The following HS6ST2 variants were observed in gnomAD, a reference collection of about 807,000 sequenced individuals.
HS6ST2 encodes the protein heparan sulfate 6-O-sulfotransferase 2.
In HS6ST2, 17 loss-of-function variants were observed where a neutral mutation model predicts 33.0. The observed-to-expected ratio is 0.52, with a 90% CI of 0.35 to 0.77. The LOEUF is 0.77. Among genes scored for constraint, HS6ST2 ranks in the 30% least tolerant of loss-of-function variants. The probability of loss-of-function intolerance (pLI) is 0.01; values close to 1 mark genes in which losing one functional copy is unlikely to be tolerated. For missense variants in HS6ST2, 519 were observed against 551.7 expected (o/e 0.94, Z 0.59); for synonymous variants, 248 against 237.1 (o/e 1.05, Z -0.42).
At chrX:132,891,275 A>C (rs187943334) in intron 2 of HS6ST2, among the ~76,000 whole-genome samples, 1 of 107,310 alleles carries the variant, frequency 9.3e-6, no homozygotes, top group African/African-American at 3.4e-5. Context: ...AACTGTCATC[A>C]TCTGGATGAT....
chrX:132,924,998 T>A (rs2066696366), intron 2 of HS6ST2, among the ~76,000 whole-genome samples: 1 of 111,171 alleles, frequency 9.0e-6, no homozygotes, highest in African/African-American at 3.3e-5. Context: ...GGACGATTAC[T>A]TGAACCCAGG....
Position 132,868,073 on chromosome X carries a change from TA to T in HS6ST2, c.947+88734del, listed in dbSNP as rs762213280. Among the ~76,000 whole-genome samples the T allele has an allele frequency of 5.4e-5, 6 of 111,329 alleles. No individual in the cohort carries two copies. In the East Asian group the frequency reaches 1.4e-3, roughly 26 times the overall value. On this transcript the variant is annotated intron_variant, in intron 2 of 4. Coordinates refer to ENST00000370833, the MANE Select transcript of HS6ST2 (RefSeq NM_001394073.1). ...TGCAAAGACACAAATAGGCTCAAAA[TA>T]AAGGGATGGAGAAAGGTTTACCAAG...
intron 3 of HS6ST2, among the ~76,000 whole-genome samples, chrX:132,670,866 A>G (rs750013085): frequency 1.8e-5 from 2 of 112,407 alleles, no homozygotes; most frequent in Non-Finnish European, 3.8e-5. Context: ...AGCTCTTAGA[A>G]GTGGGAGATA....
In HS6ST2 at chrX:132,939,482, G is replaced by A. The variant is rs1282207024; in HGVS notation, c.947+17326C>T. On this transcript the variant is annotated intron_variant, in intron 2 of 4. Coordinates refer to ENST00000370833, the MANE Select transcript of HS6ST2 (RefSeq NM_001394073.1). ...TCTACTAAAAATACAAAAATTAGCC[G>A]GGCATGGTGGCGTGCACCTGTAATC... is the stretch of plus-strand genomic sequence containing the variant. Among the ~76,000 whole-genome samples the A allele has an allele frequency of 7.3e-5, 8 of 110,119 alleles. No individual in the cohort carries two copies. The South Asian group carries it at 1.6e-3, about 22-fold the overall frequency.
At chrX:132,739,870 G>A (rs140204852) in intron 2 of HS6ST2, among the ~76,000 whole-genome samples, 1,383 of 111,722 alleles carry the variant, frequency 0.012, 25 homozygotes, top group African/African-American at 0.043. Context: ...AAATTGCTAT[G>A]TAATATTCTA....
At chrX:132,692,922 GTGTGGTTCTCGGCAAATGT>G (rs757274450) in intron 3 of HS6ST2, among the ~76,000 whole-genome samples, 220 of 111,923 alleles carry the variant, frequency 2.0e-3, no homozygotes, top group African/African-American at 6.3e-3. Context: ...CACCCAGGCT[GTGTGGTTCTCGGCAAATGT>G]TTGTTGAATG....
chrX:132,661,331 C>T (rs2063771041), intron 4 of HS6ST2, among the ~76,000 whole-genome samples: 1 of 107,911 alleles, frequency 9.3e-6, no homozygotes, highest in Admixed American at 9.8e-5. Context: ...AAAAAAAAAG[C>T]TCCTAAAACT....
chrX:132,655,611 G>T (rs759231888), intron 4 of HS6ST2, among the ~76,000 whole-genome samples: 1 of 110,760 alleles, frequency 9.0e-6, no homozygotes, highest in Non-Finnish European at 1.9e-5. Context: ...AAGGACACAG[G>T]TTATTCAAGA....
intron 2 of HS6ST2, among the ~76,000 whole-genome samples, chrX:132,781,673 G>A (rs1456026697): frequency 3.6e-5 from 4 of 111,657 alleles, no homozygotes; most frequent in South Asian, 3.8e-4. Context: ...CTATAATTGA[G>A]GTGGAAGGTG....
chrX:132,823,413 A>G (rs1164755403), intron 2 of HS6ST2, among the ~76,000 whole-genome samples: 1 of 109,925 alleles, frequency 9.1e-6, no homozygotes, highest in Non-Finnish European at 1.9e-5. Context: ...GTTTTTTTTA[A>G]TCCCTGGCCC....
At chrX:132,941,332 T>C (rs2066884862) in intron 2 of HS6ST2, among the ~76,000 whole-genome samples, 1 of 111,474 alleles carries the variant, frequency 9.0e-6, no homozygotes, top group South Asian at 3.8e-4. Context: ...CACATACCTT[T>C]AGCTCTCCCC....
chrX:132,777,729 G>A (rs904060671), intron 2 of HS6ST2, among the ~76,000 whole-genome samples: 5 of 108,984 alleles, frequency 4.6e-5, no homozygotes, highest in Admixed American at 9.9e-5. Context: ...TTACAGGCCT[G>A]AGCCACCACA....
At chrX:132,865,734 G>A (rs1231145175) in intron 2 of HS6ST2, among the ~76,000 whole-genome samples, 4 of 112,418 alleles carry the variant, frequency 3.6e-5, no homozygotes, top group South Asian at 3.7e-4. Context: ...GCCAGTGATG[G>A]TGAGCATTAT....
At chrX:132,904,533 TTGTG>T (rs58820779) in intron 2 of HS6ST2, among the ~76,000 whole-genome samples, 3 of 94,525 alleles carry the variant, frequency 3.2e-5, no homozygotes, top group Non-Finnish European at 6.3e-5. Flanking sequence ...TTTTTTCTCT[TTGTG>T]TGTGTGTGTG....
At chrX:132,637,809 T>TAATA (rs199708858) in intron 4 of HS6ST2, among the ~76,000 whole-genome samples, 1 of 62,708 alleles carries the variant, frequency 1.6e-5, no homozygotes, top group South Asian at 6.4e-4. Flanking sequence ...ATATTATATA[T>TAATA]TATTTTATAT....
chrX:132,815,765 G>A (rs1275629392), intron 2 of HS6ST2, among the ~76,000 whole-genome samples: 4 of 111,410 alleles, frequency 3.6e-5, no homozygotes, highest in African/African-American at 9.8e-5. Context: ...TCAATAGCTT[G>A]CCATCCTCTC....
chrX:132,947,230 C>G lies in HS6ST2; in HGVS notation c.947+9578G>C, dbSNP rs778129330. Among the ~76,000 whole-genome samples the G allele has an allele frequency of 2.8e-4, 30 of 106,544 alleles. No homozygotes were observed. In the South Asian group the frequency reaches 0.012, roughly 43 times the overall value. 92.5% of individuals were successfully genotyped at this position (106,544 alleles called of 115,157 possible). On this transcript the variant is annotated intron_variant, in intron 2 of 4. Coordinates refer to ENST00000370833, the MANE Select transcript of HS6ST2 (RefSeq NM_001394073.1). ...ATATATATATATGTGTGTGTGTGTG[C>G]GTGTATGTGTGTGTATGTGTGTATT...
chrX:132,831,882 T>A lies in HS6ST2; in HGVS notation c.948-123388A>T, dbSNP rs149895221. 7.0e-4 allele frequency among the ~76,000 whole-genome samples: 78 copies of A among 112,198 alleles called. 4 individuals are homozygous for A. In the East Asian group the frequency reaches 0.011, roughly 16 times the overall value. On this transcript the variant is annotated intron_variant, in intron 2 of 4. Transcript: ENST00000370833. ...AATTATGCTGAGAAGGATCTGGTGG[T>A]CCATAAATATGATCGCTTTGCACAT...
intron 2 of HS6ST2, among the ~76,000 whole-genome samples, chrX:132,766,995 T>C (rs886570577): frequency 8.9e-6 from 1 of 111,759 alleles, no homozygotes; most frequent in Non-Finnish European, 1.9e-5. Context: ...AGAGCTTGGA[T>C]TGGAACTCGA....
Sources: gnomAD v4.1 joint callset for allele counts (sites outside exome capture counted in the v4.1 genomes callset) on GRCh38, gnomAD v4.1.1 for gene constraint, MANE v1.5 for transcripts, NCBI Gene and HGNC (gene_info 2026-07-23, HGNC 2026-07-21) for gene names.